The following LZTFL1 variants were observed in gnomAD, a reference collection of about 807,000 sequenced individuals.
LZTFL1 encodes leucine zipper transcription factor-like protein 1.
A neutral mutation model predicts 45.9 loss-of-function variants in LZTFL1; 25 were observed. The observed-to-expected ratio is 0.54, with a 90% CI of 0.40 to 0.76. The LOEUF (loss-of-function observed/expected upper bound fraction) is 0.76, where lower values mean the gene tolerates loss of function less well. LZTFL1 is among the 30% of genes least tolerant of loss of function. The pLI is 0.00. For missense variants in LZTFL1, 277 were observed against 331.1 expected, an observed-to-expected ratio of 0.84 and a Z score of 1.27; for synonymous variants, 93 against 117.4, an observed-to-expected ratio of 0.79 and a Z score of 1.35.
intron 2 of LZTFL1, among the ~76,000 whole-genome samples, chr3:45,860,184 C>T (rs1156767952): frequency 6.6e-6 from 1 of 152,076 alleles, no homozygotes; most frequent in African/African-American, 2.4e-5. Context: ...TGCACTCCAT[C>T]CTGGGCGACA....
intron 8 of LZTFL1, 23 bp from the exon 9 acceptor site, chr3:45,827,482 C>A: frequency 7.0e-7 from 1 of 1,427,180 alleles, no homozygotes; most frequent in Non-Finnish European, 9.9e-7. Flanking sequence ...AAATGTCAGC[C>A]CATTACTAAA....
chr3:45,887,592 T>A (rs1702021561), intron 2 of LZTFL1, among the ~76,000 whole-genome samples: 1 of 152,254 alleles, frequency 6.6e-6, no homozygotes, highest in African/African-American at 2.4e-5. Context: ...GGAAGGGCTG[T>A]GCAGCAGCCA....
At chr3:45,836,754 T>TAGGA (rs1700977525) in intron 2 of LZTFL1, among the ~76,000 whole-genome samples, 1 of 152,220 alleles carries the variant, frequency 6.6e-6, no homozygotes, top group Admixed American at 6.5e-5. Flanking sequence ...ACTTTACAGA[T>TAGGA]AGGAACACAG....
chr3:45,897,586 A>G (rs533175125), intron 2 of LZTFL1: 186 of 1,535,400 alleles, frequency 1.2e-4, no homozygotes, highest in Non-Finnish European at 1.6e-4. Context: ...GCTCCAGATC[A>G]CCTTCCCTCG....
chr3:45,851,971 T>G (rs1701317066), intron 4 of LZTFL1, among the ~76,000 whole-genome samples: 1 of 152,170 alleles, frequency 6.6e-6, no homozygotes, highest in South Asian at 2.1e-4. Flanking sequence ...GTGGGTCAGC[T>G]CCTGCTCCAC....
chr3:45,883,720 A>C lies in LZTFL1; in HGVS notation c.-214-24704T>G. On this transcript the variant is annotated intron_variant, in intron 2 of 4. Transcript: ENST00000472635. Reference sequence around the variant, plus strand: ...CAAAGCCCAGAAAAGGCTAAAGCTGAAAGTGCCAAAAGGCCTGCCTTGGCA... The same window carrying C: ...CAAAGCCCAGAAAAGGCTAAAGCTGCAAGTGCCAAAAGGCCTGCCTTGGCA... The C allele has an allele frequency of 7.0e-6, 4 of 570,994 alleles. No individual in the cohort carries two copies. The South Asian group carries it at 9.8e-5, about 14-fold the overall frequency. The allele number at this position is 570,994 out of a possible 1,614,324, so 35.4% of individuals were successfully genotyped here.
intron 4 of LZTFL1, among the ~76,000 whole-genome samples, chr3:45,851,375 T>C (rs1201101803): frequency 4.0e-5 from 6 of 151,760 alleles, no homozygotes; most frequent in Non-Finnish European, 8.8e-5. Flanking sequence ...TACAGGCACC[T>C]GCCACCACGC....
chr3:45,863,222 A>G (rs1029732), intron 2 of LZTFL1, among the ~76,000 whole-genome samples: 109,943 of 152,066 alleles, frequency 0.72, 39,930 homozygotes, highest in South Asian at 0.91. Context: ...TTCAAGGTAA[A>G]CAAATAGCTC....
chr3:45,878,674 T>C (rs997845916), intron 2 of LZTFL1, among the ~76,000 whole-genome samples: 2 of 149,688 alleles, frequency 1.3e-5, no homozygotes, highest in African/African-American at 4.9e-5. Flanking sequence ...AGAAAGTATT[T>C]GCAAAAGACA....
chr3:45,870,742 C>G (rs1027013643), intron 2 of LZTFL1, among the ~76,000 whole-genome samples: 2 of 152,192 alleles, frequency 1.3e-5, no homozygotes, highest in African/African-American at 2.4e-5. Flanking sequence ...TGAAAACACT[C>G]TCATAGTAAA....
At chr3:45,880,298 T>TCAGGAGG (rs1701831213) in intron 2 of LZTFL1, among the ~76,000 whole-genome samples, 1 of 152,080 alleles carries the variant, frequency 6.6e-6, no homozygotes, top group Non-Finnish European at 1.5e-5. Flanking sequence ...GGTCAGGAGT[T>TCAGGAGG]TGAAACCAGC....
chr3:45,910,537 G>T (rs765038600), intron 2 of LZTFL1, among the ~76,000 whole-genome samples: 8 of 152,214 alleles, frequency 5.3e-5, no homozygotes, highest in African/African-American at 9.6e-5. Flanking sequence ...GCTAGGAGCA[G>T]CTTCCCAGGC....
chr3:45,863,197 AGG>A (rs1701520798), intron 2 of LZTFL1, among the ~76,000 whole-genome samples: 1 of 152,230 alleles, frequency 6.6e-6, no homozygotes, highest in African/African-American at 2.4e-5. Context: ...AATGTCCTTC[AGG>A]TAGGAACTAT....
intron 3 of LZTFL1, chr3:45,834,654 A>G: frequency 6.2e-6 from 1 of 161,292 alleles, no homozygotes. Flanking sequence ...GTTAGCTAGT[A>G]GGTGTTCAAA....
In LZTFL1 at chr3:45,888,308, C is replaced by T. The variant is rs6783694; in HGVS notation, c.-215+24812G>A. The stretch of plus-strand genomic sequence containing the variant: ...CCATGCTCTTCGGCCTTCAAGGACC[C>T]GCAAAAATGTCACCTCTTCAATGAA... On this transcript the variant is annotated intron_variant, in intron 2 of 4. Coordinates refer to the LZTFL1 transcript ENST00000472635. Among the ~76,000 whole-genome samples, 1,491 of 152,204 alleles carry T rather than the reference C, an allele frequency of 9.8e-3. 28 individuals carry two copies. Among genetic ancestry groups the T allele is most frequent in the African/African-American group, 0.033 (1,381 of 41,508 alleles).
upstream of LZTFL1, among the ~76,000 whole-genome samples, chr3:45,846,262 G>A (rs914071500): frequency 3.3e-5 from 5 of 152,158 alleles, no homozygotes; most frequent in Admixed American, 6.5e-5. Flanking sequence ...GAGTTTTTGA[G>A]AATGAATTAT....
intron 1 of LZTFL1, among the ~76,000 whole-genome samples, chr3:45,914,870 G>C (rs9831315): frequency 0.37 from 55,518 of 152,018 alleles, 11,316 homozygotes; most frequent in East Asian, 0.65. Flanking sequence ...CAACAGCTGG[G>C]TGGCGTCCCT....
At chr3:45,830,256 C>T (rs1399846194) in intron 7 of LZTFL1, among the ~76,000 whole-genome samples, 1 of 152,194 alleles carries the variant, frequency 6.6e-6, no homozygotes, top group Non-Finnish European at 1.5e-5. Context: ...AATGGTCCTG[C>T]TCACAGGAAA....
intron 2 of LZTFL1, among the ~76,000 whole-genome samples, chr3:45,911,649 C>T (rs762655200): frequency 9.9e-5 from 15 of 152,234 alleles, no homozygotes; most frequent in South Asian, 2.1e-4. Context: ...ACAGGGGGCC[C>T]TAGCTGGGCC....
Sources: gnomAD v4.1 joint callset for allele counts (sites outside exome capture counted in the v4.1 genomes callset) on GRCh38, gnomAD v4.1.1 for gene constraint, MANE v1.5 for transcripts, NCBI Gene and HGNC (gene_info 2026-07-23, HGNC 2026-07-21) for gene names.